Variants in NSUN4 observed in about 807,000 individuals in gnomAD.
NSUN4 encodes the protein 5-cytosine rRNA methyltransferase NSUN4.
NSUN4 carries 31 observed loss-of-function variants against 43.8 expected under a neutral mutation model. The ratio of observed to expected loss-of-function variants is 0.71; its 90% CI spans 0.53 to 0.96. The LOEUF is 0.96. NSUN4 is among the 40% of genes least tolerant of loss of function. NSUN4 has a pLI of 0.00. For synonymous variants in NSUN4, 167 were observed against 184.1 expected, an observed-to-expected ratio of 0.91 and a Z score of 0.75; for missense variants, 439 against 475.6, an observed-to-expected ratio of 0.92 and a Z score of 0.72.
At chr1:46,356,421 G>A (rs1220350988) in intron 4 of NSUN4, among the ~76,000 whole-genome samples, 5 of 152,170 alleles carry the variant, frequency 3.3e-5, no homozygotes, top group African/African-American at 1.2e-4. Flanking sequence ...GGCTGGGCGC[G>A]GTGGCTCACG....
At chr1:46,360,249 A>AAAAAATATATAT (rs1553177947) in intron 4 of NSUN4, among the ~76,000 whole-genome samples, 2 of 25,768 alleles carry the variant, frequency 7.8e-5, no homozygotes, top group African/African-American at 2.6e-4. Flanking sequence ...AAAAAAAAAA[A>AAAAAATATATAT]ATATATATAT....
Position 46,340,887 on chromosome 1 carries a change from G to T in NSUN4, c.61G>T (p.Val21Phe). 1 of 1,613,540 alleles carries T rather than the reference G, an allele frequency of 6.2e-7. No homozygotes were observed. Residue 21 changes from valine to phenylalanine, a missense_variant, in exon 1 of 6, where the codon GTC (valine) becomes TTC (phenylalanine). Val to Phe is a conservative substitution (Grantham distance 50, BLOSUM62 -1). Coordinates refer to ENST00000474844, the MANE Select transcript of NSUN4 (RefSeq NM_199044.4). ...ELLKRVDLAT[V>F]PRRHRYKKKW... ...GCTGAAGCGTGTGGACCTCGCGACG[G>T]TCCCGCGGAGACATCGATATAAGAA...
At position 46,352,885 on chromosome 1, in the gene NSUN4, G is replaced by C; in HGVS notation, c.610G>C (p.Asp204His). 3 of 1,614,088 alleles carry C rather than the reference G, an allele frequency of 1.9e-6. No homozygotes were observed. The highest frequency in any genetic ancestry group is 2.5e-6 in the Non-Finnish European group (3 of 1,179,974). ...TGCCRNLAANDLSPSRIARLQ... is the reference protein window; with the variant it reads ...TGCCRNLAANHLSPSRIARLQ... ...TTCCATAGGCAATCTTGCTGCCAAT[G>C]ATCTCTCCCCGTCCCGAATAGCCAG... is the stretch of plus-strand genomic sequence containing the variant. Residue 204 changes from aspartate (D) to histidine (H), a missense_variant, in exon 4 of 6, where the codon GAT becomes CAT. Coordinates refer to ENST00000474844, the MANE Select transcript of NSUN4 (RefSeq NM_199044.4).
At chr1:46,378,820 C>T in the NSUN4 span, among the ~76,000 whole-genome samples, 3 of 152,114 alleles carry the variant, frequency 2.0e-5, no homozygotes, top group Non-Finnish European at 4.4e-5. Context: ...AGGGCCTGAC[C>T]AAGGGCAAAT....
the NSUN4 span, among the ~76,000 whole-genome samples, chr1:46,374,140 G>C: frequency 6.6e-6 from 1 of 151,716 alleles, no homozygotes; most frequent in Non-Finnish European, 1.5e-5. Flanking sequence ...TACAAAAATA[G>C]CTGGGCGTGG....
chr1:46,341,633 T>TCCACCATCTCTTCCACCC, intron 1 of NSUN4: 1 of 1,161,350 alleles, frequency 8.6e-7, no homozygotes, highest in Non-Finnish European at 1.1e-6. Context: ...CCTCGCCACC[T>TCCACCATCTCTTCCACCC]CCACCATCTC....
rs1317982516 is a variant in NSUN4 at position 46,360,822 on chromosome 1, T to A, written c.872T>A (p.Leu291His). 1 of 1,613,820 alleles carries A rather than the reference T, an allele frequency of 6.2e-7. No homozygotes were observed. Among genetic ancestry groups the A allele is most frequent in the South Asian group, 1.1e-5 (1 of 91,072 alleles). ...RQILPVLQVQLLAAGLLATKP... is the reference protein window; with the variant it reads ...RQILPVLQVQHLAAGLLATKP... ...ATATTGCCTGTGCTGCAAGTGCAGC[T>A]TCTTGCGTGAGTGACAGATTTTTAA... The change falls in exon 5 of 6, where the codon CTT (leucine) becomes CAT (histidine). Residue 291 changes from leucine (L) to histidine (H), a missense_variant. Physicochemically the swap from Leu to His is moderately conservative, Grantham distance 99. Coordinates refer to ENST00000474844, the MANE Select transcript of NSUN4 (RefSeq NM_199044.4).
At chr1:46,341,163 C>A in intron 1 of NSUN4, 1 of 1,287,450 alleles carries the variant, frequency 7.8e-7, no homozygotes, top group Non-Finnish European at 9.9e-7. Context: ...TCATCACCTT[C>A]GCCTTCATTC....
intron 3 of NSUN4, among the ~76,000 whole-genome samples, chr1:46,350,391 A>T (rs1225374573): frequency 1.3e-5 from 2 of 152,292 alleles, no homozygotes; most frequent in South Asian, 4.1e-4. Flanking sequence ...GGAGACATTT[A>T]TTTATGGGAT....
intron 4 of NSUN4, among the ~76,000 whole-genome samples, chr1:46,356,468 G>A (rs778502152): frequency 3.2e-4 from 49 of 152,232 alleles, no homozygotes; most frequent in Non-Finnish European, 5.4e-4. Flanking sequence ...CAAGGCGGGC[G>A]GATCACGAGG....
At chr1:46,383,707 T>G in the NSUN4 span, among the ~76,000 whole-genome samples, 8 of 151,950 alleles carry the variant, frequency 5.3e-5, no homozygotes, top group African/African-American at 1.4e-4. Context: ...CGCCCGCCTC[T>G]GCCTCCCAAA....
chr1:46,374,242 C>T, the NSUN4 span, among the ~76,000 whole-genome samples: 5 of 140,856 alleles, frequency 3.5e-5, no homozygotes, highest in Admixed American at 1.5e-4. Context: ...GCCGAGATCG[C>T]ACCATTGCAC....
rs1425025595 is a variant in NSUN4 at position 46,341,936 on chromosome 1, G to A, written c.93+1017G>A. On this transcript the variant is annotated intron_variant, in intron 1 of 5. Coordinates refer to ENST00000474844, the MANE Select transcript of NSUN4 (RefSeq NM_199044.4). The stretch of plus-strand genomic sequence containing the variant: ...GGCCTTCAGCTTTTGGAACCAGCCC[G>A]GCAACCTCCTTTCCCCTTGCTCATC... 2.4e-5 allele frequency: 29 copies of A among 1,232,770 alleles called. No homozygotes were observed. The South Asian group carries it at 7.4e-4, about 31-fold the overall frequency. 76.4% of individuals were successfully genotyped at this position (1,232,770 alleles called of 1,614,324 possible).
At chr1:46,352,805 A>T (rs1663097855) in intron 3 of NSUN4, 63 bp from the exon 4 acceptor site, 1 of 1,527,986 alleles carries the variant, frequency 6.5e-7, no homozygotes, top group Admixed American at 1.7e-5. Flanking sequence ...TGACTCCATC[A>T]GCGCCATTGC....
At position 46,344,958 on chromosome 1, in the gene NSUN4, A is replaced by G; in HGVS notation, c.251A>G (p.Asp84Gly). ...GALVNNFAAWDHVSAKLEQLS... is the reference protein window; with the variant it reads ...GALVNNFAAWGHVSAKLEQLS... Reference sequence around the variant, plus strand: ...CTGGTCAATAACTTTGCTGCCTGGGATCATGTAAGTGCTAAGCTGGAGCAG... The same window carrying G: ...CTGGTCAATAACTTTGCTGCCTGGGGTCATGTAAGTGCTAAGCTGGAGCAG... Residue 84 changes from aspartate (D) to glycine (G), a missense_variant, in exon 2 of 6, where the codon GAT (aspartate) becomes GGT (glycine). Asp to Gly is a moderately conservative substitution (Grantham distance 94). Transcript: ENST00000474844. The G allele has an allele frequency of 6.2e-7, 1 of 1,614,180 alleles. No individual in the cohort carries two copies. Among genetic ancestry groups the G allele is most frequent in the Non-Finnish European group, 8.5e-7 (1 of 1,180,032 alleles).
chr1:46,344,740 C>A, intron 1 of NSUN4, 61 bp from the exon 2 acceptor site: 1 of 1,448,786 alleles, frequency 6.9e-7, no homozygotes, highest in Non-Finnish European at 9.5e-7. Context: ...AGGTGGGGGT[C>A]AGGTAGTAGG....
chr1:46,354,286 A>G (rs974270523), intron 4 of NSUN4, among the ~76,000 whole-genome samples: 1 of 151,898 alleles, frequency 6.6e-6, no homozygotes, highest in African/African-American at 2.4e-5. Flanking sequence ...TTTTGTAGAG[A>G]CGGGGTCTCA....
intron 1 of NSUN4, chr1:46,341,602 C>A: frequency 1.7e-6 from 2 of 1,211,948 alleles, no homozygotes; most frequent in Non-Finnish European, 2.0e-6. Context: ...GGCACGCCCC[C>A]CTGCCCACCC....
chr1:46,343,146 C>A (rs1662233844), intron 1 of NSUN4: 2 of 392,312 alleles, frequency 5.1e-6, no homozygotes, highest in Non-Finnish European at 9.0e-6. Flanking sequence ...CTCCACCCCC[C>A]ATCCCTGCCC....
Sources: gnomAD v4.1 joint callset for allele counts (sites outside exome capture counted in the v4.1 genomes callset) on GRCh38, gnomAD v4.1.1 for gene constraint, MANE v1.5 for transcripts, NCBI Gene and HGNC (gene_info 2026-07-23, HGNC 2026-07-21) for gene names.